SYNPR: variants seen among roughly 807,000 people sequenced by gnomAD.
The protein encoded by SYNPR is synaptoporin.
A neutral mutation model predicts 32.9 loss-of-function variants in SYNPR; 23 were observed. That is an observed-to-expected ratio of 0.70 (90% CI 0.50 to 0.99). The LOEUF is 0.99. SYNPR is among the 50% of genes least tolerant of loss of function. The pLI is 0.00. For synonymous variants in SYNPR, 146 were observed against 135.9 expected, an observed-to-expected ratio of 1.07 and a Z score of -0.52; for missense variants, 318 against 349.3, an observed-to-expected ratio of 0.91 and a Z score of 0.71.
Position 63,480,829 on chromosome 3 carries a change from C to G in SYNPR, c.85-3C>G. Reference sequence around the variant, plus strand: ...CTTCTATTTGTTTAATTGTTCTCCACAGCTTTTTGCAATCTTTGCATTTGC... The same window carrying G: ...CTTCTATTTGTTTAATTGTTCTCCAGAGCTTTTTGCAATCTTTGCATTTGC... On this transcript the variant is annotated splice_region_variant and splice_polypyrimidine_tract_variant and intron_variant, in intron 2 of 5. Transcript: ENST00000478300. The G allele has an allele frequency of 6.2e-7, 1 of 1,612,996 alleles. No homozygotes were observed. The highest frequency in any genetic ancestry group is 1.1e-5 in the South Asian group (1 of 90,926).
intron 3 of SYNPR, among the ~76,000 whole-genome samples, chr3:63,545,971 A>G (rs1316167464): frequency 1.3e-5 from 2 of 152,166 alleles, no homozygotes; most frequent in African/African-American, 2.4e-5. Context: ...ATAGATGAAT[A>G]AGCCGTTGTC....
intron 3 of SYNPR, among the ~76,000 whole-genome samples, chr3:63,273,152 G>T (rs2086549676): frequency 6.6e-6 from 1 of 152,134 alleles, no homozygotes; most frequent in Non-Finnish European, 1.5e-5. Flanking sequence ...CTTTACTTCA[G>T]TTCTACAGAG....
chr3:63,252,783 G>A (rs950010916), intron 2 of SYNPR, among the ~76,000 whole-genome samples: 14 of 152,174 alleles, frequency 9.2e-5, no homozygotes, highest in African/African-American at 3.4e-4. Flanking sequence ...GCTCATGCCT[G>A]TAATCTTAGC....
At chr3:63,313,145 A>C (rs2086986249) in intron 2 of SYNPR, among the ~76,000 whole-genome samples, 1 of 152,058 alleles carries the variant, frequency 6.6e-6, no homozygotes, top group Admixed American at 6.6e-5. Flanking sequence ...ATTTATTGAA[A>C]GAATGAATAA....
intron 4 of SYNPR, among the ~76,000 whole-genome samples, chr3:63,579,299 T>G (rs1703047961): frequency 2.6e-5 from 4 of 152,136 alleles, no homozygotes; most frequent in Admixed American, 2.0e-4. Flanking sequence ...TCCTTCTGCC[T>G]GGAAGGCTCT....
chr3:63,338,039 G>T (rs1436488812), intron 2 of SYNPR, among the ~76,000 whole-genome samples: 4 of 152,168 alleles, frequency 2.6e-5, no homozygotes, highest in Non-Finnish European at 5.9e-5. Flanking sequence ...ACCAATATGG[G>T]TTTATCACTT....
chr3:63,418,595 C>T (rs1048962759), intron 2 of SYNPR, among the ~76,000 whole-genome samples: 1 of 152,202 alleles, frequency 6.6e-6, no homozygotes, highest in Non-Finnish European at 1.5e-5. Flanking sequence ...AATGGACTCA[C>T]AGTTCCACGT....
intron 2 of SYNPR, among the ~76,000 whole-genome samples, chr3:63,285,897 C>A (rs2086675642): frequency 6.6e-6 from 1 of 152,148 alleles, no homozygotes; most frequent in Non-Finnish European, 1.5e-5. Flanking sequence ...AGTACCTACA[C>A]TGTGATAAGT....
At chr3:63,308,292 C>T (rs1319706283) in intron 2 of SYNPR, among the ~76,000 whole-genome samples, 1 of 151,866 alleles carries the variant, frequency 6.6e-6, no homozygotes, top group African/African-American at 2.4e-5. Context: ...AAACATACAG[C>T]GGATATTCAA....
intron 2 of SYNPR, among the ~76,000 whole-genome samples, chr3:63,413,877 T>A: frequency 6.6e-6 from 1 of 151,956 alleles, no homozygotes; most frequent in East Asian, 1.9e-4. Context: ...TCAAAAAAAA[T>A]GATATTTTAG....
At chr3:63,565,584 T>C (rs1449713726) in intron 4 of SYNPR, among the ~76,000 whole-genome samples, 1 of 152,182 alleles carries the variant, frequency 6.6e-6, no homozygotes, top group Non-Finnish European at 1.5e-5. Flanking sequence ...AGTGCCCTAC[T>C]TCTTAATATT....
chr3:63,526,629 G>A (rs1344039017), intron 3 of SYNPR, among the ~76,000 whole-genome samples: 4 of 152,148 alleles, frequency 2.6e-5, no homozygotes, highest in African/African-American at 9.7e-5. Flanking sequence ...AAATGAGTTA[G>A]TATAAGGAAA....
At chr3:63,451,154 T>C (rs1404774354) in intron 2 of SYNPR, among the ~76,000 whole-genome samples, 1 of 152,186 alleles carries the variant, frequency 6.6e-6, no homozygotes, top group African/African-American at 2.4e-5. Flanking sequence ...ATGAAGAAGA[T>C]TGCTGTCATA....
At chr3:63,339,884 TG>T (rs1277683255) in intron 2 of SYNPR, among the ~76,000 whole-genome samples, 1 of 152,160 alleles carries the variant, frequency 6.6e-6, no homozygotes, top group Non-Finnish European at 1.5e-5. Flanking sequence ...CTCGAACTCC[TG>T]ACCTCAGGTG....
intron 4 of SYNPR, among the ~76,000 whole-genome samples, chr3:63,604,196 C>T (rs1700085214): frequency 6.6e-6 from 1 of 152,006 alleles, no homozygotes; most frequent in African/African-American, 2.4e-5. Flanking sequence ...GGTAATATCC[C>T]CTTTGTCATT....
chr3:63,384,662 T>C (rs1038263174), intron 2 of SYNPR, among the ~76,000 whole-genome samples: 1 of 152,224 alleles, frequency 6.6e-6, no homozygotes, highest in Non-Finnish European at 1.5e-5. Flanking sequence ...AGTTCTTATG[T>C]TAAGCCTTTC....
chr3:63,308,152 A>AT (rs1390114352), intron 2 of SYNPR, among the ~76,000 whole-genome samples: 3 of 151,976 alleles, frequency 2.0e-5, no homozygotes, highest in Non-Finnish European at 2.9e-5. Context: ...AAACTTAACT[A>AT]TTTTTTGTTT....
intron 3 of SYNPR, among the ~76,000 whole-genome samples, chr3:63,538,293 G>A (rs936146072): frequency 6.6e-6 from 1 of 151,920 alleles, no homozygotes; most frequent in African/African-American, 2.4e-5. Flanking sequence ...AGAGATATGT[G>A]GGAAAATAAT....
chr3:63,268,703 A>C (rs57576517), intron 3 of SYNPR, among the ~76,000 whole-genome samples: 79,268 of 151,438 alleles, frequency 0.52, 21,882 homozygotes, highest in African/African-American at 0.64. Context: ...TTGCTGTCTC[A>C]GGGGTGGTGG....
Sources: allele counts gnomAD v4.1 joint callset (sites outside exome capture counted in the v4.1 genomes callset), GRCh38; gene constraint gnomAD v4.1.1; transcripts MANE v1.5; gene names NCBI Gene and HGNC (gene_info 2026-07-23, HGNC 2026-07-21).